The following CPEB3 variants were observed in gnomAD, a reference collection of about 807,000 sequenced individuals.
CPEB3 encodes the protein cytoplasmic polyadenylation element-binding protein 3.
In CPEB3, 20 loss-of-function variants were observed where a neutral mutation model predicts 67.2. The ratio of observed to expected loss-of-function variants is 0.30; its 90% CI spans 0.21 to 0.43. The LOEUF (loss-of-function observed/expected upper bound fraction) is 0.43, where lower values mean the gene tolerates loss of function less well. Ranked by LOEUF, CPEB3 falls within the 20% of genes least tolerant of loss-of-function variation. The pLI, the probability that CPEB3 is intolerant of heterozygous loss-of-function variation, is 1.00. For synonymous variants in CPEB3, 376 were observed against 393.1 expected (o/e 0.96, Z 0.51); for missense variants, 746 against 968.6 (o/e 0.77, Z 3.05).
rs189781950 is a variant in CPEB3 at position 92,065,514 on chromosome 10, C to T, written c.1870-13075G>A. Among the ~76,000 whole-genome samples, 633 of 152,254 alleles carry T rather than the reference C, an allele frequency of 4.2e-3. 24 individuals carry two copies. Among genetic ancestry groups the T allele is most frequent in the Admixed American group, 0.039 (602 of 15,298 alleles). ...AGGATTACAGGCATGAGCCACCACA[C>T]CTGGCTAAAGAGCATTTCTAAAATG... On this transcript the variant is annotated intron_variant, in intron 9 of 9. Transcript: ENST00000265997.
At chr10:92,083,735 C>A (rs913254632) in intron 8 of CPEB3, among the ~76,000 whole-genome samples, 1 of 152,118 alleles carries the variant, frequency 6.6e-6, no homozygotes, top group Non-Finnish European at 1.5e-5. Context: ...AGAATGCTGG[C>A]AAGGAATTGA....
intron 6 of CPEB3, among the ~76,000 whole-genome samples, chr10:92,128,720 A>G (rs1173487011): frequency 6.6e-6 from 1 of 152,246 alleles, no homozygotes; most frequent in Non-Finnish European, 1.5e-5. Flanking sequence ...TAAGACACAC[A>G]TGCAGCCAAC....
In CPEB3 at chr10:92,240,001, T is replaced by C. The variant is rs1289538261; in HGVS notation, c.350A>G (p.Asn117Ser). 5 of 1,610,592 alleles carry C rather than the reference T, an allele frequency of 3.1e-6. No individual in the cohort carries two copies. Among genetic ancestry groups the C allele is most frequent in the Non-Finnish European group, 3.4e-6 (4 of 1,178,682 alleles). The stretch of plus-strand genomic sequence containing the variant: ...CTGGAAGAAGCTGTCCTCTACCGCG[T>C]TGGTGGTGCCCGTGGACCAGGTGCT... ...FGSTWSTGTT[N>S]AVEDSFFQGI... The change falls in exon 2 of 10, where the codon AAC becomes AGC. Residue 117 changes from asparagine to serine, a missense_variant. Asn to Ser is a conservative substitution (Grantham distance 46). This residue lies in a region of CPEB3 where 643 missense variants were observed against 717.5 expected (regional missense o/e 0.90). Coordinates refer to ENST00000265997, the MANE Select transcript of CPEB3 (RefSeq NM_014912.5).
At chr10:92,155,481 T>A (rs2133912257) in intron 4 of CPEB3, among the ~76,000 whole-genome samples, 1 of 152,336 alleles carries the variant, frequency 6.6e-6, no homozygotes, top group South Asian at 2.1e-4. Context: ...TCTCAGAGAA[T>A]AAGTGTTCTA....
At chr10:92,236,076 A>G (rs562314933) in intron 2 of CPEB3, among the ~76,000 whole-genome samples, 92 of 152,318 alleles carry the variant, frequency 6.0e-4, no homozygotes, top group African/African-American at 2.1e-3. Flanking sequence ...ATTCACATAT[A>G]TAATTCCCCC....
In CPEB3 at chr10:92,098,160, TAAAAAAAAAAAAAAAAAA is replaced by T. The variant is rs1166249584; in HGVS notation, c.1573-6234_1573-6217del. The stretch of plus-strand genomic sequence containing the variant: ...TGGGCAACAAGAGTGACACTCTGCC[TAAAAAAAAAAAAAAAAAA>T]AAAAAAAAAAAAAAAAAAAAAATCT... On this transcript the variant is annotated intron_variant, in intron 7 of 9. Transcript: ENST00000265997. 2.1e-3 allele frequency among the ~76,000 whole-genome samples: 75 copies of T among 36,126 alleles called. 1 individual carries two copies. The East Asian group carries it at 0.063, about 30-fold the overall frequency. The allele number at this position is 36,126 out of a possible 152,430, so 23.7% of individuals were successfully genotyped here.
chr10:92,283,126 C>T (rs1187306856), intron 1 of CPEB3, among the ~76,000 whole-genome samples: 2 of 151,996 alleles, frequency 1.3e-5, no homozygotes, highest in East Asian at 3.9e-4. Flanking sequence ...GTGGCGTGTG[C>T]CTGTAGTCCT....
chr10:92,211,180 C>CAG (rs1169326297), intron 2 of CPEB3, among the ~76,000 whole-genome samples: 5 of 152,260 alleles, frequency 3.3e-5, no homozygotes, highest in African/African-American at 4.8e-5. Flanking sequence ...AAAATAAAAA[C>CAG]TGGTGGAACA....
intron 2 of CPEB3, among the ~76,000 whole-genome samples, chr10:92,229,206 A>T (rs886126147): frequency 2.6e-5 from 4 of 151,154 alleles, no homozygotes; most frequent in Non-Finnish European, 5.9e-5. Context: ...AAAAATTTTT[A>T]ATTTTTTTAT....
At position 92,253,869 on chromosome 10, in the gene CPEB3, T is replaced by C. The variant is rs1228907955; in HGVS notation, c.-11-13508A>G. Among the ~76,000 whole-genome samples, 3 of 152,058 alleles carry C rather than the reference T, an allele frequency of 2.0e-5. No individual in the cohort carries two copies. In the East Asian group the frequency reaches 5.8e-4, roughly 29 times the overall value. On this transcript the variant is annotated intron_variant, in intron 1 of 9. Transcript: ENST00000265997. ...TGTCATTTAAGCTAAAGAAATAAAC[T>C]AGGGGTTCCCTATGTGCCAGGCTGT... is the stretch of plus-strand genomic sequence containing the variant.
intron 9 of CPEB3, among the ~76,000 whole-genome samples, chr10:92,064,986 A>AAGT (rs1228183708): frequency 6.6e-6 from 1 of 152,254 alleles, no homozygotes; most frequent in African/African-American, 2.4e-5. Context: ...AGACCATACA[A>AAGT]AGTAGTTATC....
intron 7 of CPEB3, among the ~76,000 whole-genome samples, chr10:92,095,876 T>G (rs1226350078): frequency 6.6e-6 from 1 of 151,728 alleles, no homozygotes; most frequent in Non-Finnish European, 1.5e-5. Flanking sequence ...CAATCTCAAA[T>G]AGAAAACTTT....
At chr10:92,086,017 T>G (rs1291338022) in intron 8 of CPEB3, among the ~76,000 whole-genome samples, 2 of 152,118 alleles carry the variant, frequency 1.3e-5, no homozygotes, top group African/African-American at 2.4e-5. Flanking sequence ...TTTATATCAT[T>G]TAATTATAAT....
intron 4 of CPEB3, among the ~76,000 whole-genome samples, chr10:92,154,331 G>A (rs2133903864): frequency 6.6e-6 from 1 of 151,888 alleles, no homozygotes; most frequent in Non-Finnish European, 1.5e-5. Flanking sequence ...ATATAAATGG[G>A]AAATATAATT....
chr10:92,235,631 C>T (rs1456555246), intron 2 of CPEB3, among the ~76,000 whole-genome samples: 1 of 152,202 alleles, frequency 6.6e-6, no homozygotes, highest in African/African-American at 2.4e-5. Flanking sequence ...ATATTATTCC[C>T]ATTTTACAGG....
intron 1 of CPEB3, among the ~76,000 whole-genome samples, chr10:92,284,580 C>T (rs1392665032): frequency 6.6e-6 from 1 of 152,056 alleles, no homozygotes; most frequent in African/African-American, 2.4e-5. Context: ...TCCCTCTTCC[C>T]TTTATCTAGT....
At chr10:92,132,650 C>G (rs987561404) in intron 6 of CPEB3, among the ~76,000 whole-genome samples, 1 of 152,240 alleles carries the variant, frequency 6.6e-6, no homozygotes. Flanking sequence ...TTAAACTCGG[C>G]TCTGCACCAA....
rs879096676 is a variant in CPEB3 at position 92,137,999 on chromosome 10, C to CA, written c.1453+5029dup. ...TGGGTGACAGAGCAAGACTCTGTCT[C>CA]AAAAAAAAAAAGAAGAAAGTGGATT... On this transcript the variant is annotated intron_variant, in intron 6 of 9. Coordinates refer to ENST00000265997, the MANE Select transcript of CPEB3 (RefSeq NM_014912.5). 825 of 139,386 alleles carry CA rather than the reference C, an allele frequency of 5.9e-3. 9 individuals carry two copies. Among genetic ancestry groups the CA allele is most frequent in the Middle Eastern group, 0.034 (10 of 292 alleles). 8.6% of individuals were successfully genotyped at this position (139,386 alleles called of 1,614,324 possible).
intron 3 of CPEB3, among the ~76,000 whole-genome samples, chr10:92,188,366 T>C (rs1848800031): frequency 7.3e-6 from 1 of 136,598 alleles, no homozygotes. Context: ...AGGAGATTAT[T>C]ACCTTATTCC....
Sources: gnomAD v4.1 joint callset for allele counts (sites outside exome capture counted in the v4.1 genomes callset) on GRCh38, gnomAD v4.1.1 for gene constraint, gnomAD v4.1.1 regional missense constraint, MANE v1.5 for transcripts, NCBI Gene and HGNC (gene_info 2026-07-23, HGNC 2026-07-21) for gene names.